Variants in LRBA observed in about 807,000 individuals in gnomAD.
LRBA encodes LPS responsive beige-like anchor protein.
LRBA carries 176 observed loss-of-function variants against 330.0 expected under a neutral mutation model. The ratio of observed to expected loss-of-function variants is 0.53; its 90% CI spans 0.47 to 0.60. The LOEUF is 0.60. LRBA is among the 20% of genes least tolerant of loss of function. LRBA has a pLI of 0.00. For missense variants in LRBA, 3,259 were observed against 3,444.8 expected (o/e 0.95, Z 1.35); for synonymous variants, 1,230 against 1,193.0 (o/e 1.03, Z -0.64).
chr4:150,886,171 G>A (rs1728916933), intron 17 of LRBA, among the ~76,000 whole-genome samples: 1 of 152,130 alleles, frequency 6.6e-6, no homozygotes, highest in Admixed American at 6.5e-5. Flanking sequence ...TTGTGTAGGG[G>A]AGTTAAAACT....
At chr4:150,360,959 C>T (rs1738603115) in intron 47 of LRBA, among the ~76,000 whole-genome samples, 1 of 152,172 alleles carries the variant, frequency 6.6e-6, no homozygotes, top group African/African-American at 2.4e-5. Flanking sequence ...ACTTTCCATC[C>T]TTAAAGGTCC....
At chr4:150,332,174 C>T (rs1229200029) in intron 48 of LRBA, among the ~76,000 whole-genome samples, 1 of 152,034 alleles carries the variant, frequency 6.6e-6, no homozygotes. Flanking sequence ...GTTATCTAGC[C>T]CCAACCACTG....
intron 36 of LRBA, among the ~76,000 whole-genome samples, chr4:150,714,941 A>T (rs1786594041): frequency 6.6e-6 from 1 of 152,166 alleles, no homozygotes; most frequent in African/African-American, 2.4e-5. Flanking sequence ...TACCCCAGGA[A>T]GATAAGATTG....
chr4:150,761,937 T>TC (rs1477101699), intron 34 of LRBA, 90 bp from the exon 35 acceptor site: 10 of 699,366 alleles, frequency 1.4e-5, no homozygotes, highest in Admixed American at 2.7e-5. Context: ...ATCACCCATA[T>TC]CAATTTCATG....
At chr4:150,479,204 A>C (rs1757036660) in intron 42 of LRBA, among the ~76,000 whole-genome samples, 1 of 152,014 alleles carries the variant, frequency 6.6e-6, no homozygotes, top group Non-Finnish European at 1.5e-5. Flanking sequence ...GCTTGAGCCC[A>C]GCAGATTGAG....
At chr4:150,639,819 GTATATATATATATA>G (rs56731034) in intron 37 of LRBA, among the ~76,000 whole-genome samples, 67 of 4,534 alleles carry the variant, frequency 0.015, 2 homozygotes, top group South Asian at 0.025. Flanking sequence ...GTGTGTGTGT[GTATATATATATATA>G]TATATATATA....
At chr4:150,902,790 G>A (rs552334297) in intron 13 of LRBA, among the ~76,000 whole-genome samples, 1 of 152,240 alleles carries the variant, frequency 6.6e-6, no homozygotes, top group East Asian at 1.9e-4. Context: ...ACTCTCCACG[G>A]ATAACACCAG....
At chr4:150,704,223 A>G (rs2127007696) in intron 36 of LRBA, among the ~76,000 whole-genome samples, 1 of 152,200 alleles carries the variant, frequency 6.6e-6, no homozygotes, top group East Asian at 1.9e-4. Flanking sequence ...CAAAACAATT[A>G]TGTGTGTATT....
At chr4:150,831,524 A>G (rs1747181481) in intron 29 of LRBA, among the ~76,000 whole-genome samples, 1 of 152,310 alleles carries the variant, frequency 6.6e-6, no homozygotes, top group Non-Finnish European at 1.5e-5. Flanking sequence ...CTCTTAGAAT[A>G]TGAGTTAGTG....
At chr4:150,352,406 A>G (rs1045496062) in intron 47 of LRBA, among the ~76,000 whole-genome samples, 1 of 152,246 alleles carries the variant, frequency 6.6e-6, no homozygotes, top group East Asian at 1.9e-4. Context: ...TCACAAATAT[A>G]AAATTGAAAA....
At chr4:150,939,981 C>T (rs79108077) in intron 2 of LRBA, among the ~76,000 whole-genome samples, 9,725 of 151,932 alleles carry the variant, frequency 0.064, 468 homozygotes, top group East Asian at 0.19. Flanking sequence ...AAAATAAAAA[C>T]TTCAATGTCA....
chr4:150,840,960 A>C (rs996738779), intron 28 of LRBA: 3 of 1,205,862 alleles, frequency 2.5e-6, no homozygotes, highest in Non-Finnish European at 3.2e-6. Flanking sequence ...CAATTTGAAC[A>C]TATCCACTTG....
At chr4:150,609,604 A>T (rs562648461) in intron 37 of LRBA, among the ~76,000 whole-genome samples, 1 of 152,308 alleles carries the variant, frequency 6.6e-6, no homozygotes, top group East Asian at 1.9e-4. Context: ...ACCACCTAAC[A>T]GATACATGGA....
At chr4:150,755,462 G>A (rs1451486154) in intron 35 of LRBA, among the ~76,000 whole-genome samples, 1 of 152,092 alleles carries the variant, frequency 6.6e-6, no homozygotes, top group Non-Finnish European at 1.5e-5. Flanking sequence ...GGCTATGAAA[G>A]CTCTTAAAAT....
At chr4:150,647,854 T>A (rs538116906) in intron 37 of LRBA, among the ~76,000 whole-genome samples, 1 of 152,062 alleles carries the variant, frequency 6.6e-6, no homozygotes, top group Admixed American at 6.6e-5. Context: ...TTGTGGTTTA[T>A]CATATTATAT....
chr4:150,292,139 A>G (rs946806366), intron 53 of LRBA, among the ~76,000 whole-genome samples: 3 of 152,216 alleles, frequency 2.0e-5, no homozygotes, highest in East Asian at 1.9e-4. Flanking sequence ...TATTTATCAA[A>G]CAGACTCCGA....
intron 48 of LRBA, among the ~76,000 whole-genome samples, chr4:150,339,295 T>C (rs987449872): frequency 1.3e-5 from 2 of 152,188 alleles, no homozygotes; most frequent in African/African-American, 4.8e-5. Context: ...AATTCCTTCA[T>C]TCCTGTCAAA....
intron 17 of LRBA, among the ~76,000 whole-genome samples, chr4:150,891,662 C>T (rs1325982551): frequency 6.6e-6 from 1 of 152,156 alleles, no homozygotes; most frequent in Non-Finnish European, 1.5e-5. Flanking sequence ...GATTTGCCAG[C>T]TTCCACAATT....
chr4:150,767,090 T>C lies in LRBA; in HGVS notation c.5581-5243A>G, dbSNP rs181606221. On this transcript the variant is annotated intron_variant, in intron 34 of 56. Coordinates refer to ENST00000651943, the MANE Select transcript of LRBA (RefSeq NM_001364905.1). Reference sequence around the variant, plus strand: ...TGTATTCTTGGTGGTAAAAGTTAGTTAGGGCAACAAAAGACTTCATTAACC... The same window carrying C: ...TGTATTCTTGGTGGTAAAAGTTAGTCAGGGCAACAAAAGACTTCATTAACC... 7.2e-5 allele frequency among the ~76,000 whole-genome samples: 11 copies of C among 152,218 alleles called. No individual in the cohort carries two copies. The East Asian group carries it at 1.7e-3, about 24-fold the overall frequency.
Sources: gnomAD v4.1 joint callset for allele counts (sites outside exome capture counted in the v4.1 genomes callset) on GRCh38, gnomAD v4.1.1 for gene constraint, MANE v1.5 for transcripts, NCBI Gene and HGNC (gene_info 2026-07-23, HGNC 2026-07-21) for gene names.